The following DRC4 variants were observed in gnomAD, a reference collection of about 807,000 sequenced individuals.
DRC4 encodes dynein regulatory complex subunit 4, also known as GAS-11.
At chr16:90,037,515 C>A in the DRC4 span, 3 of 1,207,044 alleles carry the variant, frequency 2.5e-6, no homozygotes, top group East Asian at 2.5e-5. Context: ...ACGGGGAGGC[C>A]TGCATTTCTC....
chr16:90,028,140 C>T, the DRC4 span: 2 of 138,954 alleles, frequency 1.4e-5, no homozygotes, highest in African/African-American at 5.4e-5. Flanking sequence ...GGATGATTTA[C>T]TTCAAATCAC....
At chr16:90,022,909 G>A in the DRC4 span, among the ~76,000 whole-genome samples, 1 of 152,178 alleles carries the variant, frequency 6.6e-6, no homozygotes, top group Non-Finnish European at 1.5e-5. Context: ...CGGCCCCGGG[G>A]CCTGGCAGCA....
the DRC4 span, among the ~76,000 whole-genome samples, chr16:90,027,444 C>G: frequency 6.6e-6 from 1 of 152,156 alleles, no homozygotes; most frequent in Admixed American, 6.5e-5. Context: ...CTCCTTTGTG[C>G]TTCTCCAAAT....
At chr16:90,040,533 C>T in the DRC4 span, 2 of 1,558,960 alleles carry the variant, frequency 1.3e-6, no homozygotes, top group African/African-American at 1.4e-5. Flanking sequence ...AGGCTCCTGA[C>T]CCCAGTGGGC....
At chr16:90,041,753 C>G in the DRC4 span, among the ~76,000 whole-genome samples, 4 of 152,046 alleles carry the variant, frequency 2.6e-5, no homozygotes, top group East Asian at 7.9e-4. Context: ...GAGCCTAGAT[C>G]GCGCCACTGC....
the DRC4 span, among the ~76,000 whole-genome samples, chr16:90,034,446 ACCC>A: frequency 6.6e-6 from 1 of 151,878 alleles, no homozygotes; most frequent in African/African-American, 2.4e-5. Flanking sequence ...ACGTGGTGAA[ACCC>A]CGTCTCTACT....
chr16:90,040,294 C>G, the DRC4 span: 4 of 1,573,196 alleles, frequency 2.5e-6, no homozygotes, highest in Non-Finnish European at 3.4e-6. Flanking sequence ...AGCGCTGTCC[C>G]TACAGGTGCA....
chr16:90,029,027 A>T, the DRC4 span: 1 of 1,303,676 alleles, frequency 7.7e-7, no homozygotes, highest in South Asian at 1.2e-5. Flanking sequence ...GAGCTGCTGG[A>T]TGGAGAATGG....
chr16:90,022,798 C>T, the DRC4 span: 355 of 1,249,060 alleles, frequency 2.8e-4, no homozygotes, highest in Non-Finnish European at 3.3e-4. Flanking sequence ...GGCCTCGGTA[C>T]ACGGAGACCC....
the DRC4 span, chr16:90,040,553 C>G: frequency 6.7e-7 from 1 of 1,499,632 alleles, no homozygotes; most frequent in Non-Finnish European, 9.0e-7. Context: ...CGGCCTCATC[C>G]CTGTGGCAAG....
the DRC4 span, chr16:90,031,226 C>T: frequency 7.5e-6 from 12 of 1,597,784 alleles, no homozygotes; most frequent in Admixed American, 6.8e-5. Context: ...CCTTGCCTTT[C>T]GCCGGCCACA....
At chr16:90,020,146 T>C in the DRC4 span, 1 of 555,828 alleles carries the variant, frequency 1.8e-6, no homozygotes, top group South Asian at 2.2e-5. Flanking sequence ...ACACATTAGA[T>C]CATTGCATTT....
At chr16:90,036,001 C>A in the DRC4 span, 2 of 1,044,380 alleles carry the variant, frequency 1.9e-6, no homozygotes, top group Non-Finnish European at 2.6e-6. Flanking sequence ...TTCTCCATGG[C>A]TCCTGGTCTG....
chr16:90,039,926 G>A, the DRC4 span: 8 of 302,972 alleles, frequency 2.6e-5, no homozygotes, highest in Admixed American at 1.2e-4. Flanking sequence ...TCGGCCTGCT[G>A]GATGCCCTGG....
At chr16:90,034,161 G>A in the DRC4 span, among the ~76,000 whole-genome samples, 1 of 152,162 alleles carries the variant, frequency 6.6e-6, no homozygotes, top group African/African-American at 2.4e-5. Context: ...TTTGCCTCAC[G>A]CCTGGAAGCA....
chr16:90,022,763 G>T, the DRC4 span: 2 of 1,348,516 alleles, frequency 1.5e-6, no homozygotes, highest in Non-Finnish European at 1.9e-6. Flanking sequence ...TCCTCGGCAG[G>T]GGCCCGGAGA....
chr16:90,027,331 G>A, the DRC4 span, among the ~76,000 whole-genome samples: 135 of 150,900 alleles, frequency 8.9e-4, no homozygotes, highest in East Asian at 0.02. Flanking sequence ...CTCGTGATCC[G>A]TCCACCTCGG....
the DRC4 span, chr16:90,040,635 A>G: frequency 0.33 from 200,296 of 602,822 alleles, 51,613 homozygotes; most frequent in Non-Finnish European, 0.4. Flanking sequence ...AGGGGCATTC[A>G]TGGGTTTCCT....
chr16:90,035,736 C>T, the DRC4 span: 21 of 1,614,102 alleles, frequency 1.3e-5, no homozygotes, highest in Non-Finnish European at 1.8e-5. Flanking sequence ...CACCCCCGCC[C>T]CATCAGAGAG....
Sources: allele counts gnomAD v4.1 joint callset (sites outside exome capture counted in the v4.1 genomes callset), GRCh38; gene constraint gnomAD v4.1.1; transcripts MANE v1.5; gene names NCBI Gene and HGNC (gene_info 2026-07-23, HGNC 2026-07-21).